The following NEK5 variants were observed in gnomAD, a reference collection of about 807,000 sequenced individuals.
The protein encoded by NEK5 is serine/threonine-protein kinase Nek5.
In NEK5, 88 loss-of-function variants were observed where a neutral mutation model predicts 109.2. The ratio of observed to expected loss-of-function variants is 0.81; its 90% confidence interval spans 0.68 to 0.96. The LOEUF (loss-of-function observed/expected upper bound fraction) is 0.96. NEK5 is among the 40% of genes least tolerant of loss of function. The probability of loss-of-function intolerance (pLI) is 0.00; values close to 1 mark genes in which losing one functional copy is unlikely to be tolerated. For missense variants in NEK5, 834 were observed against 920.7 expected (o/e 0.91, Z 1.22); for synonymous variants, 283 against 299.9 (o/e 0.94, Z 0.58).
At chr13:52,103,290 G>A (rs1201613995) in intron 9 of NEK5, among the ~76,000 whole-genome samples, 1 of 152,214 alleles carries the variant, frequency 6.6e-6, no homozygotes, top group Admixed American at 6.5e-5. Flanking sequence ...AATTAGCCGG[G>A]TGTGGTGGTG....
chr13:52,073,462 G>A (rs554250830), intron 19 of NEK5, among the ~76,000 whole-genome samples: 26 of 151,654 alleles, frequency 1.7e-4, no homozygotes, highest in East Asian at 1.4e-3. Context: ...ACTACAGGTG[G>A]GTGACACCAC....
chr13:52,083,837 A>G (rs1955064104), intron 16 of NEK5, among the ~76,000 whole-genome samples: 1 of 152,010 alleles, frequency 6.6e-6, no homozygotes, highest in African/African-American at 2.4e-5. Context: ...CGCCTGACCA[A>G]TGTCTGCTAT....
At chr13:52,097,242 G>C (rs928216513) in intron 12 of NEK5, among the ~76,000 whole-genome samples, 10 of 152,238 alleles carry the variant, frequency 6.6e-5, no homozygotes, top group African/African-American at 2.4e-4. Context: ...CCTCCACACA[G>C]AGTCCCCACT....
intron 3 of NEK5, among the ~76,000 whole-genome samples, chr13:52,121,870 A>G (rs1450184418): frequency 6.6e-6 from 1 of 152,164 alleles, no homozygotes; most frequent in African/African-American, 2.4e-5. Context: ...CAAAAAACCA[A>G]CCAAACAATG....
chr13:52,115,599 G>A (rs1196749513), intron 4 of NEK5, among the ~76,000 whole-genome samples: 2 of 63,844 alleles, frequency 3.1e-5, no homozygotes, highest in African/African-American at 6.2e-5. Context: ...GTGAGACTCC[G>A]TCAAAAAAAA....
At chr13:52,051,488 C>T (rs1954506019) in intron 22 of NEK5, among the ~76,000 whole-genome samples, 1 of 152,112 alleles carries the variant, frequency 6.6e-6, no homozygotes, top group African/African-American at 2.4e-5. Context: ...GCAGGTTCCT[C>T]TCAGATCTAA....
At position 52,071,930 on chromosome 13, in the gene NEK5, C is replaced by A. The variant is rs749243177; in HGVS notation, c.1849+14G>T. On this transcript the variant is annotated intron_variant, in intron 20 of 23. Transcript: ENST00000684899. ...ACAGTTCCTTCTCATTTACAACTTT[C>A]AAGAAACACATACCTGCTTCTGGGC... 5.6e-6 allele frequency: 9 copies of A among 1,612,228 alleles called. No individual in the cohort carries two copies. The highest frequency in any genetic ancestry group is 7.6e-6 in the Non-Finnish European group (9 of 1,178,914).
intron 8 of NEK5, among the ~76,000 whole-genome samples, chr13:52,106,543 A>G (rs1955659442): frequency 6.6e-6 from 1 of 152,110 alleles, no homozygotes; most frequent in African/African-American, 2.4e-5. Context: ...AGGCGGGCAG[A>G]TCACCTGAGG....
chr13:52,102,023 G>T lies in NEK5; in HGVS notation c.811-9C>A. 2.5e-6 allele frequency: 4 copies of T among 1,613,552 alleles called. No individual in the cohort carries two copies. The South Asian group carries it at 3.3e-5, about 13-fold the overall frequency. On this transcript the variant is annotated splice_polypyrimidine_tract_variant and intron_variant, in intron 10 of 23. Transcript: ENST00000684899. Reference sequence around the variant, plus strand: ...AATTCTTCCTGAATGACCTAAAACCGAACACACGTGTCAAGGACCTGCAAC... The same window carrying T: ...AATTCTTCCTGAATGACCTAAAACCTAACACACGTGTCAAGGACCTGCAAC...
intron 19 of NEK5, among the ~76,000 whole-genome samples, chr13:52,073,532 G>A (rs1317975570): frequency 6.6e-6 from 1 of 151,940 alleles, no homozygotes; most frequent in Non-Finnish European, 1.5e-5. Flanking sequence ...AGCCAGGATG[G>A]TCTCAATCTC....
intron 4 of NEK5, among the ~76,000 whole-genome samples, chr13:52,116,349 T>C (rs575488088): frequency 6.6e-6 from 1 of 152,226 alleles, no homozygotes; most frequent in South Asian, 2.1e-4. Context: ...TAGAGTAATA[T>C]AAAATAAAAC....
In NEK5 at chr13:52,073,320, CT is replaced by C. The variant is rs111793172; in HGVS notation, c.1723-1251del. Among the ~76,000 whole-genome samples, 1,428 of 143,032 alleles carry C rather than the reference CT, an allele frequency of 1.0e-2. 16 individuals are homozygous for C. The highest frequency in any genetic ancestry group is 0.029 in the African/African-American group (1,133 of 39,382). 93.8% of individuals were successfully genotyped at this position (143,032 alleles called of 152,430 possible). ...TTGAACACCAAACATTTTTCTTTCCCTTTTTTTTTTTTTGAGACAGTGTCTC... is the reference window on the plus strand; with the variant it reads ...TTGAACACCAAACATTTTTCTTTCCCTTTTTTTTTTTTGAGACAGTGTCTC... On this transcript the variant is annotated intron_variant, in intron 19 of 23. Coordinates refer to ENST00000684899, the MANE Select transcript of NEK5 (RefSeq NM_001365552.1).
rs767755879 is a variant in NEK5 at position 52,093,217 on chromosome 13, GTCTT to G, written c.1041_1044del (p.Glu347AspfsTer21). Reference sequence around the variant, plus strand: ...TGTCCACAGACAGCAGCAATTTTGGGTCTTTCTATCATTTTTATCTGAAGAAAAC... The same window carrying G: ...TGTCCACAGACAGCAGCAATTTTGGGTCTATCATTTTTATCTGAAGAAAAC... On this transcript the variant is annotated frameshift_variant, in exon 13 of 24. Coordinates refer to ENST00000684899, the MANE Select transcript of NEK5 (RefSeq NM_001365552.1). LOFTEE classifies it high-confidence loss of function. 3.5e-5 allele frequency: 57 copies of G among 1,612,064 alleles called. No individual in the cohort carries two copies. Among genetic ancestry groups the G allele is most frequent in the Middle Eastern group, 1.6e-4 (1 of 6,076 alleles).
intron 13 of NEK5, among the ~76,000 whole-genome samples, chr13:52,090,085 C>T (rs1955246791): frequency 6.6e-6 from 1 of 152,218 alleles, no homozygotes; most frequent in African/African-American, 2.4e-5. Context: ...TATCTCCGCA[C>T]ATAAATGCTT....
intron 8 of NEK5, among the ~76,000 whole-genome samples, chr13:52,106,636 G>T (rs1467741811): frequency 6.6e-6 from 1 of 151,948 alleles, no homozygotes; most frequent in African/African-American, 2.4e-5. Flanking sequence ...GCATGGTGGG[G>T]CGTGCTTGCA....
intron 3 of NEK5, among the ~76,000 whole-genome samples, chr13:52,124,453 A>G (rs1037994888): frequency 4.6e-5 from 7 of 152,198 alleles, no homozygotes; most frequent in Admixed American, 4.6e-4. Flanking sequence ...AACATTGCAA[A>G]CATTGAAATT....
At chr13:52,113,124 T>A (rs892508909) in intron 4 of NEK5, among the ~76,000 whole-genome samples, 2 of 150,988 alleles carry the variant, frequency 1.3e-5, no homozygotes, top group African/African-American at 4.9e-5. Context: ...GAGTAGTTTT[T>A]AAAAAAAATA....
At chr13:52,097,845 G>A (rs1955448458) in intron 12 of NEK5, among the ~76,000 whole-genome samples, 2 of 152,112 alleles carry the variant, frequency 1.3e-5, no homozygotes, top group African/African-American at 4.8e-5. Flanking sequence ...TTGTGTCCCT[G>A]CCCAAATTTC....
At chr13:52,119,912 G>A (rs1955936100) in intron 3 of NEK5, among the ~76,000 whole-genome samples, 1 of 152,120 alleles carries the variant, frequency 6.6e-6, no homozygotes, top group Non-Finnish European at 1.5e-5. Context: ...CTTCATTTTA[G>A]AAGTATTTGG....
Sources: gnomAD v4.1 joint callset for allele counts (sites outside exome capture counted in the v4.1 genomes callset) on GRCh38, gnomAD v4.1.1 for gene constraint, MANE v1.5 for transcripts, NCBI Gene and HGNC (gene_info 2026-07-23, HGNC 2026-07-21) for gene names.